The following ICE2 variants were observed in gnomAD, a reference collection of about 807,000 sequenced individuals.
The protein encoded by ICE2 is little elongation complex subunit 2.
ICE2 carries 87 observed loss-of-function variants against 105.4 expected under a neutral mutation model. That is an observed-to-expected ratio of 0.83 (90% CI 0.69 to 0.99). The LOEUF (loss-of-function observed/expected upper bound fraction) is 0.99. Among genes scored for constraint, ICE2 ranks in the 50% least tolerant of loss-of-function variants. The pLI is 0.00. For missense variants in ICE2, 1,323 were observed against 1,146.7 expected (o/e 1.15, Z -2.22); for synonymous variants, 399 against 392.0 (o/e 1.02, Z -0.21).
chr15:60,435,276 G>A (rs1463159276), intron 13 of ICE2, among the ~76,000 whole-genome samples: 2 of 148,100 alleles, frequency 1.4e-5, no homozygotes, highest in Non-Finnish European at 3.0e-5. Flanking sequence ...GCGAGACTCC[G>A]TCTCAAAAAA....
intron 7 of ICE2, 68 bp downstream of exon 7, chr15:60,455,258 C>A: frequency 2.0e-6 from 3 of 1,525,670 alleles, no homozygotes; most frequent in South Asian, 1.2e-5. Flanking sequence ...TTGGGACAAT[C>A]GGGTTAGATA....
At chr15:60,435,325 C>T (rs958368682) in intron 13 of ICE2, among the ~76,000 whole-genome samples, 1 of 145,986 alleles carries the variant, frequency 6.8e-6, no homozygotes, top group Non-Finnish European at 1.5e-5. Flanking sequence ...TAGGGCCAGG[C>T]GCAGTGGCTC....
intron 3 of ICE2, among the ~76,000 whole-genome samples, chr15:60,470,251 A>G (rs1043276063): frequency 1.3e-5 from 2 of 152,224 alleles, no homozygotes; most frequent in African/African-American, 2.4e-5. Context: ...ACATCAACAC[A>G]ATGGGACTAT....
chr15:60,465,478 T>C (rs1488220378), intron 5 of ICE2, among the ~76,000 whole-genome samples: 1 of 152,178 alleles, frequency 6.6e-6, no homozygotes. Flanking sequence ...TGAGTCACCG[T>C]GTCCGGACTT....
chr15:60,476,262 C>T (rs2064758908), intron 2 of ICE2, 95 bp from the exon 3 acceptor site: 2 of 708,526 alleles, frequency 2.8e-6, no homozygotes, highest in Admixed American at 5.8e-5. Context: ...CAATTTCATA[C>T]CTTCTTACCC....
chr15:60,457,480 T>C (rs999120931), intron 5 of ICE2, among the ~76,000 whole-genome samples: 4 of 152,210 alleles, frequency 2.6e-5, no homozygotes, highest in Non-Finnish European at 4.4e-5. Flanking sequence ...TTTTTTCTTC[T>C]TCTGTCAACG....
chr15:60,424,801 C>T (rs1046497924), intron 15 of ICE2, among the ~76,000 whole-genome samples: 1 of 152,214 alleles, frequency 6.6e-6, no homozygotes, highest in Non-Finnish European at 1.5e-5. Context: ...CCACCGCGCC[C>T]AGCCAAGGTG....
At chr15:60,426,295 A>G (rs2063336552) in intron 15 of ICE2, among the ~76,000 whole-genome samples, 1 of 152,190 alleles carries the variant, frequency 6.6e-6, no homozygotes. Context: ...TACCTTGTCT[A>G]CGTTTAGATA....
chr15:60,473,463 T>C (rs932763153), intron 3 of ICE2, among the ~76,000 whole-genome samples: 1 of 152,012 alleles, frequency 6.6e-6, no homozygotes, highest in East Asian at 1.9e-4. Flanking sequence ...CTGGCTATTT[T>C]TTGTATTTTT....
intron 11 of ICE2, among the ~76,000 whole-genome samples, chr15:60,446,658 G>A (rs957950706): frequency 6.6e-6 from 1 of 152,130 alleles, no homozygotes; most frequent in Admixed American, 6.5e-5. Flanking sequence ...GCCTCCCAAA[G>A]TGCTGGGATT....
At chr15:60,464,139 T>C (rs1174374672) in intron 5 of ICE2, among the ~76,000 whole-genome samples, 1 of 152,212 alleles carries the variant, frequency 6.6e-6, no homozygotes, top group East Asian at 1.9e-4. Flanking sequence ...GGGATGGGGA[T>C]GTAAAATACA....
In ICE2 at chr15:60,442,476, T is replaced by C. The variant is rs544626074; in HGVS notation, c.2365A>G (p.Ser789Gly). 4 of 1,600,534 alleles carry C rather than the reference T, an allele frequency of 2.5e-6. No homozygotes were observed. Among genetic ancestry groups the C allele is most frequent in the Admixed American group, 3.6e-5 (2 of 55,592 alleles). ...TCAGTCCATAAGCGACAAAGTTCAC[T>C]TTCAGTCAGAGCTTCAACTCCATAA... ...ACYGVEALTE[S>G]ELCRLWTESL... The change falls in exon 12 of 16, where the codon AGT becomes GGT. Residue 789 changes from serine to glycine, a missense_variant. Ser to Gly is a moderately conservative substitution (Grantham distance 56). Transcript: ENST00000261520.
At chr15:60,478,378 A>C (rs2064829558) in intron 1 of ICE2, among the ~76,000 whole-genome samples, 1 of 152,212 alleles carries the variant, frequency 6.6e-6, no homozygotes, top group Non-Finnish European at 1.5e-5. Flanking sequence ...AAGTCAACTC[A>C]GTTTTCCATT....
At chr15:60,463,655 C>T (rs1239171634) in intron 5 of ICE2, among the ~76,000 whole-genome samples, 2 of 152,168 alleles carry the variant, frequency 1.3e-5, no homozygotes, top group African/African-American at 2.4e-5. Flanking sequence ...AGCCTGTAAT[C>T]CCAGCTACTT....
chr15:60,434,996 T>C (rs564974752), intron 13 of ICE2, among the ~76,000 whole-genome samples: 3 of 152,244 alleles, frequency 2.0e-5, no homozygotes, highest in Admixed American at 1.3e-4. Context: ...AAATATCACA[T>C]GTAGGAGCCG....
Position 60,428,420 on chromosome 15 carries a change from A to G in ICE2, c.2820+9T>C. The G allele has an allele frequency of 6.2e-7, 1 of 1,606,204 alleles. No individual in the cohort carries two copies. The highest frequency in any genetic ancestry group is 2.2e-5 in the East Asian group (1 of 44,766). ...CCTAATGAACCTTTAATTTCAAAAAAGATCTTACCTTTTGTTGTGTTGTGG... is the reference window on the plus strand; with the variant it reads ...CCTAATGAACCTTTAATTTCAAAAAGGATCTTACCTTTTGTTGTGTTGTGG... On this transcript the variant is annotated intron_variant, in intron 15 of 15. Coordinates refer to ENST00000261520, the MANE Select transcript of ICE2 (RefSeq NM_024611.6).
intron 15 of ICE2, among the ~76,000 whole-genome samples, chr15:60,426,653 A>G (rs1482623924): frequency 6.6e-6 from 1 of 152,188 alleles, no homozygotes; most frequent in Non-Finnish European, 1.5e-5. Context: ...ATCAATAAGG[A>G]AAGTATATTA....
intron 5 of ICE2, among the ~76,000 whole-genome samples, chr15:60,460,467 C>T (rs180857182): frequency 2.3e-4 from 35 of 152,346 alleles, no homozygotes; most frequent in African/African-American, 7.7e-4. Flanking sequence ...CACTGTACTG[C>T]AGCCTGTGCG....
At chr15:60,467,193 T>C (rs1231330523) in intron 4 of ICE2, among the ~76,000 whole-genome samples, 1 of 152,056 alleles carries the variant, frequency 6.6e-6, no homozygotes, top group Non-Finnish European at 1.5e-5. Context: ...GAACTCCTGA[T>C]CTCAGGTGAT....
Sources: gnomAD v4.1 joint callset for allele counts (sites outside exome capture counted in the v4.1 genomes callset) on GRCh38, gnomAD v4.1.1 for gene constraint, MANE v1.5 for transcripts, NCBI Gene and HGNC (gene_info 2026-07-23, HGNC 2026-07-21) for gene names.